The following RARB variants were observed in gnomAD, a reference collection of about 807,000 sequenced individuals.
The protein encoded by RARB is retinoic acid receptor beta.
RARB carries 17 observed loss-of-function variants against 51.9 expected under a neutral mutation model. The observed-to-expected ratio is 0.33, with a 90% CI of 0.22 to 0.49. The LOEUF (loss-of-function observed/expected upper bound fraction) is 0.49. RARB is among the 20% of genes least tolerant of loss of function. The pLI is 0.99. For missense variants in RARB, 369 were observed against 550.8 expected (o/e 0.67, Z 3.30); for synonymous variants, 215 against 195.4 (o/e 1.10, Z -0.84).
chr3:25,464,782 C>G (rs542151008), intron 2 of RARB, among the ~76,000 whole-genome samples: 1 of 152,128 alleles, frequency 6.6e-6, no homozygotes, highest in Admixed American at 6.5e-5. Flanking sequence ...CCCTGTAAAA[C>G]TCAGCTTTTC....
chr3:24,909,554 TTTC>T (rs1274556752), intron 2 of RARB, among the ~76,000 whole-genome samples: 1 of 151,898 alleles, frequency 6.6e-6, no homozygotes, highest in Admixed American at 6.6e-5. Flanking sequence ...TTATTCTAGT[TTTC>T]TTCATCTTTT....
chr3:24,937,003 G>C (rs543187399), intron 2 of RARB, among the ~76,000 whole-genome samples: 2 of 152,156 alleles, frequency 1.3e-5, no homozygotes, highest in African/African-American at 2.4e-5. Flanking sequence ...ATATATGACT[G>C]TTGAAGCTGT....
chr3:24,830,310 A>C (rs1046648937), intron 1 of RARB, among the ~76,000 whole-genome samples: 1 of 114,396 alleles, frequency 8.7e-6, no homozygotes, highest in Non-Finnish European at 1.6e-5. Context: ...AAAGGTGTGC[A>C]CGCCGATGTC....
At chr3:25,210,550 T>TG (rs1701670216) in intron 5 of RARB, among the ~76,000 whole-genome samples, 1 of 133,122 alleles carries the variant, frequency 7.5e-6, no homozygotes, top group South Asian at 2.5e-4. Context: ...TTTTTTTTTT[T>TG]TTTGAGATTG....
At chr3:24,899,283 C>T (rs1703545660) in intron 2 of RARB, among the ~76,000 whole-genome samples, 1 of 152,144 alleles carries the variant, frequency 6.6e-6, no homozygotes, top group Non-Finnish European at 1.5e-5. Context: ...GCCCTACCTT[C>T]CGTCATGAAA....
rs551035919 is a variant in RARB at position 25,195,259 on chromosome 3, C to A, written c.178+20684C>A. ...GGGAGCCTACCAATTCCTCATCAAC[C>A]CAGGCCTAGACTTAAAATTGTATCA... is the stretch of plus-strand genomic sequence containing the variant. On this transcript the variant is annotated intron_variant, in intron 5 of 11. Transcript: ENST00000383772. Among the ~76,000 whole-genome samples the A allele has an allele frequency of 2.0e-5, 3 of 152,008 alleles. No homozygotes were observed. In the East Asian group the frequency reaches 5.8e-4, roughly 29 times the overall value.
intron 5 of RARB, among the ~76,000 whole-genome samples, chr3:25,397,361 C>T (rs1004547620): frequency 6.6e-6 from 1 of 152,122 alleles, no homozygotes; most frequent in Non-Finnish European, 1.5e-5. Flanking sequence ...TCCCCCATCA[C>T]ACTTTGGGCA....
intron 3 of RARB, among the ~76,000 whole-genome samples, chr3:25,061,476 T>C (rs1275294501): frequency 6.6e-6 from 1 of 151,918 alleles, no homozygotes; most frequent in Non-Finnish European, 1.5e-5. Context: ...TTTTTTCTAA[T>C]TGATTTTGAA....
At chr3:25,072,739 C>T (rs1212238814) in intron 3 of RARB, among the ~76,000 whole-genome samples, 8 of 151,656 alleles carry the variant, frequency 5.3e-5, no homozygotes, top group East Asian at 1.9e-4. Context: ...GATAGAGTCT[C>T]GCTCTGTCGC....
chr3:25,491,998 G>C (rs1335354162), intron 2 of RARB, among the ~76,000 whole-genome samples: 2 of 152,176 alleles, frequency 1.3e-5, no homozygotes, highest in Non-Finnish European at 2.9e-5. Flanking sequence ...CAGCAGAGCA[G>C]TAAACTAAGC....
chr3:25,191,643 T>C (rs1701106153), intron 5 of RARB, among the ~76,000 whole-genome samples: 1 of 152,108 alleles, frequency 6.6e-6, no homozygotes, highest in Admixed American at 6.6e-5. Flanking sequence ...AGCTGGGCAA[T>C]AACTAAGTAA....
intron 5 of RARB, among the ~76,000 whole-genome samples, chr3:25,325,587 C>G (rs896484832): frequency 6.6e-6 from 1 of 151,864 alleles, no homozygotes; most frequent in Admixed American, 6.6e-5. Flanking sequence ...TTAATAACAC[C>G]CCAACTCCTC....
chr3:25,584,902 C>T (rs1048206105), intron 5 of RARB, among the ~76,000 whole-genome samples: 11 of 152,138 alleles, frequency 7.2e-5, no homozygotes, highest in African/African-American at 1.2e-4. Flanking sequence ...ACTCCAACCC[C>T]GCCTGGCCTG....
At chr3:24,901,061 C>T (rs1020460583) in intron 2 of RARB, among the ~76,000 whole-genome samples, 5 of 152,148 alleles carry the variant, frequency 3.3e-5, no homozygotes, top group African/African-American at 1.2e-4. Context: ...TAACTATGCT[C>T]TGTTAAATAC....
At chr3:25,592,078 CAGA>C (rs1701632439) in intron 5 of RARB, among the ~76,000 whole-genome samples, 1 of 152,168 alleles carries the variant, frequency 6.6e-6, no homozygotes, top group African/African-American at 2.4e-5. Flanking sequence ...AGAGATTTGA[CAGA>C]AGTTTTTCTT....
At chr3:25,008,973 G>A (rs758747220) in intron 2 of RARB, among the ~76,000 whole-genome samples, 1 of 152,094 alleles carries the variant, frequency 6.6e-6, no homozygotes, top group Admixed American at 6.6e-5. Flanking sequence ...AATTTTTCAA[G>A]ATCTGAGTGC....
chr3:25,264,592 T>C (rs1466247183), intron 5 of RARB, among the ~76,000 whole-genome samples: 1 of 152,216 alleles, frequency 6.6e-6, no homozygotes, highest in African/African-American at 2.4e-5. Context: ...CAAATACCTT[T>C]ACTTTTTAAA....
chr3:25,140,084 G>T (rs1436940789), intron 4 of RARB, among the ~76,000 whole-genome samples: 4 of 149,728 alleles, frequency 2.7e-5, no homozygotes, highest in South Asian at 4.2e-4. Context: ...CAAGGACATG[G>T]TTTTTTTTTT....
chr3:25,504,916 C>G (rs1697508765), intron 3 of RARB, among the ~76,000 whole-genome samples: 1 of 151,910 alleles, frequency 6.6e-6, no homozygotes, highest in Non-Finnish European at 1.5e-5. Context: ...TGCCACCACG[C>G]CCGGCTAATT....
Sources: gnomAD v4.1 joint callset for allele counts (sites outside exome capture counted in the v4.1 genomes callset) on GRCh38, gnomAD v4.1.1 for gene constraint, MANE v1.5 for transcripts, NCBI Gene and HGNC (gene_info 2026-07-23, HGNC 2026-07-21) for gene names.